The following NRXN3 variants were observed in gnomAD, a reference collection of about 807,000 sequenced individuals.
The protein encoded by NRXN3 is neurexin 3, also known as neurexin III.
A neutral mutation model predicts 137.6 loss-of-function variants in NRXN3; 32 were observed. The ratio of observed to expected loss-of-function variants is 0.23; its 90% CI spans 0.18 to 0.31. The LOEUF (loss-of-function observed/expected upper bound fraction) is 0.31. NRXN3 is among the 10% of genes least tolerant of loss of function. The pLI is 1.00. For synonymous variants in NRXN3, 798 were observed against 784.5 expected, an observed-to-expected ratio of 1.02 and a Z score of -0.29; for missense variants, 1,574 against 2,062.5, an observed-to-expected ratio of 0.76 and a Z score of 4.59.
At chr14:79,535,977 C>T (rs1003909625) in intron 16 of NRXN3, among the ~76,000 whole-genome samples, 27 of 152,260 alleles carry the variant, frequency 1.8e-4, no homozygotes, top group African/African-American at 6.0e-4. Flanking sequence ...GAATAAGATA[C>T]CTTCAACACA....
chr14:78,689,345 C>G (rs537873910), intron 6 of NRXN3, among the ~76,000 whole-genome samples: 19 of 152,242 alleles, frequency 1.2e-4, no homozygotes, highest in Admixed American at 2.6e-4. Context: ...TAATTCAGAG[C>G]TATTTTTCAT....
intron 4 of NRXN3, among the ~76,000 whole-genome samples, chr14:78,510,304 A>C (rs2096077930): frequency 6.6e-6 from 1 of 151,216 alleles, no homozygotes; most frequent in South Asian, 2.1e-4. Context: ...TGAGGAAGCT[A>C]TAATAATAAT....
chr14:79,569,619 G>GTA lies in NRXN3; in HGVS notation c.3445-94158_3445-94157insAT, dbSNP rs2153793865. Among the ~76,000 whole-genome samples, 2 of 146,900 alleles carry GTA rather than the reference G, an allele frequency of 1.4e-5. 1 individual carries two copies. Among genetic ancestry groups the GTA allele is most frequent in the East Asian group, 4.1e-4 (2 of 4,928 alleles). On this transcript the variant is annotated intron_variant, in intron 16 of 20. Coordinates refer to ENST00000335750, the MANE Select transcript of NRXN3 (RefSeq NM_001330195.2). The stretch of plus-strand genomic sequence containing the variant: ...ATGAGCAACGTGTGTGTGTGTGTGT[G>GTA]TGTGTGTGTGTGAGAGAGAGAGAGA...
At chr14:78,475,080 C>T (rs1222972480) in intron 4 of NRXN3, among the ~76,000 whole-genome samples, 1 of 152,126 alleles carries the variant, frequency 6.6e-6, no homozygotes, top group African/African-American at 2.4e-5. Context: ...TCTATTTAAT[C>T]TCCAGTAGCA....
In NRXN3 at chr14:78,196,819, A is replaced by G. The variant is rs543449741; in HGVS notation, c.-704+26145A>G. Among the ~76,000 whole-genome samples the G allele has an allele frequency of 2.6e-5, 4 of 152,306 alleles. No homozygotes were observed. In the East Asian group the frequency reaches 7.7e-4, roughly 29 times the overall value. On this transcript the variant is annotated intron_variant, in intron 1 of 20. Transcript: ENST00000335750. ...TACACGGGAGAAGGCTTCCTTACAG[A>G]TGTGCTTTGACCTGACGGATGAATT...
At chr14:78,992,360 A>G (rs2099520658) in intron 15 of NRXN3, among the ~76,000 whole-genome samples, 1 of 152,214 alleles carries the variant, frequency 6.6e-6, no homozygotes, top group Non-Finnish European at 1.5e-5. Context: ...CCACCTGAAA[A>G]TCAACTTAAT....
intron 16 of NRXN3, among the ~76,000 whole-genome samples, chr14:79,492,183 T>A (rs1235855642): frequency 1.3e-5 from 2 of 152,264 alleles, no homozygotes; most frequent in Admixed American, 6.5e-5. Flanking sequence ...TCCAAAAAAA[T>A]TAATTAAAAT....
chr14:78,577,728 G>C (rs2087574625), intron 4 of NRXN3, among the ~76,000 whole-genome samples: 1 of 152,128 alleles, frequency 6.6e-6, no homozygotes, highest in African/African-American at 2.4e-5. Flanking sequence ...GCCTCCCATA[G>C]GTGAATTTTA....
At chr14:79,293,842 CT>C (rs1313689495) in intron 15 of NRXN3, among the ~76,000 whole-genome samples, 47 of 152,346 alleles carry the variant, frequency 3.1e-4, no homozygotes, top group African/African-American at 1.1e-3. Flanking sequence ...TTCAATCAAA[CT>C]GTTTGATGAG....
At chr14:78,673,325 G>C (rs867864012) in intron 6 of NRXN3, among the ~76,000 whole-genome samples, 35 of 152,298 alleles carry the variant, frequency 2.3e-4, no homozygotes, top group Non-Finnish European at 4.6e-4. Context: ...AGGCTGTGTG[G>C]TGTTTTTGTG....
At chr14:79,148,205 G>T (rs2059476213) in intron 15 of NRXN3, among the ~76,000 whole-genome samples, 1 of 152,110 alleles carries the variant, frequency 6.6e-6, no homozygotes, top group South Asian at 2.1e-4. Flanking sequence ...GTGACTGGAT[G>T]GGAGGAGGGT....
At chr14:79,167,212 C>A (rs2061362383) in intron 15 of NRXN3, among the ~76,000 whole-genome samples, 1 of 152,004 alleles carries the variant, frequency 6.6e-6, no homozygotes, top group African/African-American at 2.4e-5. Flanking sequence ...TTACATCAAA[C>A]TTCCCACAAT....
intron 16 of NRXN3, among the ~76,000 whole-genome samples, chr14:79,579,853 C>A (rs1264386709): frequency 1.3e-5 from 2 of 152,082 alleles, no homozygotes; most frequent in African/African-American, 4.8e-5. Context: ...ACTATAGTCA[C>A]CCTACTCTGC....
intron 15 of NRXN3, among the ~76,000 whole-genome samples, chr14:79,166,055 T>C (rs1487037703): frequency 6.6e-6 from 1 of 152,020 alleles, no homozygotes; most frequent in Non-Finnish European, 1.5e-5. Flanking sequence ...CTACAGTTCC[T>C]TCTGCAGCTG....
chr14:78,705,498 G>T (rs1327786475), intron 6 of NRXN3, among the ~76,000 whole-genome samples: 1 of 152,156 alleles, frequency 6.6e-6, no homozygotes, highest in Non-Finnish European at 1.5e-5. Flanking sequence ...CCTCTTGGTA[G>T]ATAAACCTTC....
chr14:79,346,133 A>T (rs1182594663), intron 15 of NRXN3, among the ~76,000 whole-genome samples: 3 of 152,186 alleles, frequency 2.0e-5, no homozygotes, highest in Non-Finnish European at 4.4e-5. Context: ...AATGTAAAAC[A>T]CAGCGGCTGG....
intron 8 of NRXN3, among the ~76,000 whole-genome samples, chr14:78,744,157 G>C (rs958819617): frequency 1.3e-5 from 2 of 152,158 alleles, no homozygotes; most frequent in Non-Finnish European, 1.5e-5. Flanking sequence ...TTGTTTGTTT[G>C]AAATGGAGGA....
At chr14:78,998,860 TC>T (rs766686764) in intron 15 of NRXN3, among the ~76,000 whole-genome samples, 2 of 148,620 alleles carry the variant, frequency 1.3e-5, no homozygotes, top group African/African-American at 2.5e-5. Context: ...CACCTCTGCC[TC>T]CCAAAGTGCT....
chr14:78,895,095 T>C (rs1466777249), intron 10 of NRXN3, among the ~76,000 whole-genome samples: 1 of 151,746 alleles, frequency 6.6e-6, no homozygotes, highest in African/African-American at 2.4e-5. Flanking sequence ...AGTCACCAGC[T>C]GCCTTAGCCC....
Sources: gnomAD v4.1 joint callset for allele counts (sites outside exome capture counted in the v4.1 genomes callset) on GRCh38, gnomAD v4.1.1 for gene constraint, MANE v1.5 for transcripts, NCBI Gene and HGNC (gene_info 2026-07-23, HGNC 2026-07-21) for gene names.